BCL3: variants seen among roughly 807,000 people sequenced by gnomAD.
BCL3 encodes the protein BCL3 transcription coactivator, also known as B-cell lymphoma 3 protein.
In BCL3, 15 loss-of-function variants were observed where a neutral mutation model predicts 35.7. The ratio of observed to expected loss-of-function variants is 0.42; its 90% CI spans 0.28 to 0.65. BCL3 has a LOEUF of 0.65. Ranked by LOEUF, BCL3 falls within the 30% of genes least tolerant of loss-of-function variation. BCL3 has a pLI of 0.22. For synonymous variants in BCL3, 311 were observed against 284.3 expected (o/e 1.09, Z -0.95); for missense variants, 565 against 641.7 (o/e 0.88, Z 1.29).
chr19:44,757,586 CG>C lies in BCL3; in HGVS notation c.814-57del, dbSNP rs1967321367. The C allele has an allele frequency of 1.1e-5, 18 of 1,585,590 alleles. No homozygotes were observed. Among genetic ancestry groups the C allele is most frequent in the Non-Finnish European group, 1.5e-5 (17 of 1,156,796 alleles). ...CCGCGAATGGGATGTGGACGGGATG[CG>C]GGTCGCCGGCTGCTGGAGCAGAGCT... On this transcript the variant is annotated intron_variant, in intron 5 of 8. Coordinates refer to ENST00000164227, the MANE Select transcript of BCL3 (RefSeq NM_005178.5). This position sits in a 1 kb window ranked among gnomAD's most constrained non-coding sequence, Gnocchi z 8.4.
intron 1 of BCL3, among the ~76,000 whole-genome samples, chr19:44,750,769 C>T (rs1201045774): frequency 6.6e-6 from 1 of 152,036 alleles, no homozygotes; most frequent in African/African-American, 2.4e-5. Context: ...GGCAACAGAG[C>T]GAGACTACAT....
Position 44,759,645 on chromosome 19 carries a change from T to C in BCL3, c.*30T>C. ...GATGGGGGGGCAGATCTTGGACTCA[T>C]GAGGAGGGGCCCCCCTGCCCTGTGG... On this transcript the variant is annotated 3_prime_UTR_variant, in exon 9 of 9. Transcript: ENST00000164227. The C allele has an allele frequency of 6.4e-7, 1 of 1,553,632 alleles. No individual in the cohort carries two copies. Among genetic ancestry groups the C allele is most frequent in the Non-Finnish European group, 8.7e-7 (1 of 1,154,638 alleles).
Position 44,759,607 on chromosome 19 carries a change from G to A in BCL3, c.1357G>A (p.Gly453Ser). The A allele has an allele frequency of 6.2e-7, 1 of 1,603,796 alleles. No homozygotes were observed. Among genetic ancestry groups the A allele is most frequent in the South Asian group, 1.1e-5 (1 of 90,620 alleles). Residue 453 changes from glycine (G) to serine (S), a missense_variant, in exon 9 of 9, where the codon GGC becomes AGC. Physicochemically the swap from Gly to Ser is moderately conservative, Grantham distance 56 (BLOSUM62 0). Transcript: ENST00000164227. ...RPVPPSPAPG[G>S]S ...GGTGCCCCCCTCCCCAGCTCCAGGA[G>A]GCAGCTGAGGGGGATGGGGGGGCAG... is the stretch of plus-strand genomic sequence containing the variant.
upstream of BCL3, chr19:44,748,598 G>A (rs1206040495): frequency 2.1e-5 from 12 of 581,038 alleles, no homozygotes; most frequent in Non-Finnish European, 2.4e-5. Context: ...GCAGCGGCGG[G>A]TCCAGGAAAC....
chr19:44,757,934 A>C lies in BCL3; in HGVS notation c.891+211A>C, dbSNP rs1241199467. 6.6e-6 allele frequency among the ~76,000 whole-genome samples: 1 copy of C among 151,476 alleles called. No individual in the cohort carries two copies. The highest frequency in any genetic ancestry group is 1.5e-5 in the Non-Finnish European group (1 of 67,862). ...GTCCCATTCCTCCTCTGCCACCTCA[A>C]CGGCCTAGGCCCCGCCCTGCGATGG... On this transcript the variant is annotated intron_variant, in intron 6 of 8. Transcript: ENST00000164227. The surrounding 1 kb of genome is among the most constrained non-coding windows in gnomAD (Gnocchi z 8.4).
Position 44,759,868 on chromosome 19 carries a change from T to A in BCL3, c.*253T>A. On this transcript the variant is annotated 3_prime_UTR_variant, in exon 9 of 9. Coordinates refer to ENST00000164227, the MANE Select transcript of BCL3 (RefSeq NM_005178.5). ...GTCCCTGTCCGGAATGCCACCCACA[T>A]CTTCCATTTCCATGTCCCCTCCCAG... 2.4e-6 allele frequency: 1 copy of A among 413,948 alleles called. No homozygotes were observed. Among genetic ancestry groups the A allele is most frequent in the East Asian group, 4.1e-5 (1 of 24,406 alleles). 25.6% of individuals were successfully genotyped at this position (413,948 alleles called of 1,614,324 possible). A position where few individuals can be genotyped will look rare whatever the true frequency, so the allele number is the denominator to read the frequency against.
upstream of BCL3, chr19:44,747,934 C>G: frequency 1.7e-6 from 2 of 1,179,370 alleles, no homozygotes; most frequent in Admixed American, 3.4e-5. Flanking sequence ...GCTCCCCACC[C>G]TCACCCCACC....
Position 44,757,743 on chromosome 19 carries a change from G to A in BCL3, c.891+20G>A, listed in dbSNP as rs1967325689. The A allele has an allele frequency of 1.2e-6, 2 of 1,611,496 alleles. No individual in the cohort carries two copies. The highest frequency in any genetic ancestry group is 2.2e-5 in the East Asian group (1 of 44,848). On this transcript the variant is annotated intron_variant, in intron 6 of 8. Transcript: ENST00000164227. This position sits in a 1 kb window ranked among gnomAD's most constrained non-coding sequence, Gnocchi z 8.4. ...CTGCAGGTGCGTACAGCCCCCCTGA[G>A]CCTCGCGCCCACCCTATCCTCTGAC...
In BCL3 at chr19:44,757,827, G is replaced by A. The variant is rs1404626217; in HGVS notation, c.891+104G>A. 4 of 1,140,160 alleles carry A rather than the reference G, an allele frequency of 3.5e-6. No homozygotes were observed. The highest frequency in any genetic ancestry group is 4.9e-5 in the East Asian group (2 of 40,504). 70.6% of individuals were successfully genotyped at this position (1,140,160 alleles called of 1,614,324 possible). On this transcript the variant is annotated intron_variant, in intron 6 of 8. Coordinates refer to ENST00000164227, the MANE Select transcript of BCL3 (RefSeq NM_005178.5). This position sits in a 1 kb window ranked among gnomAD's most constrained non-coding sequence, Gnocchi z 8.4. ...GACCCCGCCTTCCACTTCTGGCTCCGGCTCCTGCTCCGCGTCCAGCTCTGA... is the reference window on the plus strand; with the variant it reads ...GACCCCGCCTTCCACTTCTGGCTCCAGCTCCTGCTCCGCGTCCAGCTCTGA...
Position 44,758,231 on chromosome 19 carries a change from C to T in BCL3, c.892-15C>T. On this transcript the variant is annotated splice_polypyrimidine_tract_variant and intron_variant, in intron 6 of 8. Coordinates refer to ENST00000164227, the MANE Select transcript of BCL3 (RefSeq NM_005178.5). ...GGCCCGCGCGCCCTCCTGACCCGGCCCTCCCGTCCCGCAGCACGGCGCCAA... is the reference window on the plus strand; with the variant it reads ...GGCCCGCGCGCCCTCCTGACCCGGCTCTCCCGTCCCGCAGCACGGCGCCAA... 1 of 1,470,484 alleles carries T rather than the reference C, an allele frequency of 6.8e-7. No homozygotes were observed. The highest frequency in any genetic ancestry group is 1.4e-5 in the South Asian group (1 of 71,604). The allele number at this position is 1,470,484 out of a possible 1,614,324, so 91.1% of individuals were successfully genotyped here. A position where few individuals can be genotyped will look rare whatever the true frequency, so the allele number is the denominator to read the frequency against.
intron 6 of BCL3, 107 bp from the exon 7 acceptor site, chr19:44,758,139 G>T: frequency 5.0e-6 from 6 of 1,200,496 alleles, no homozygotes; most frequent in South Asian, 1.8e-5. Flanking sequence ...ACCCCACCCC[G>T]ATCCGGTGCC....
chr19:44,747,930 CACCCTCACCCCA>C, upstream of BCL3: 1 of 1,192,788 alleles, frequency 8.4e-7, no homozygotes, highest in Non-Finnish European at 1.1e-6. Flanking sequence ...GAGCGCTCCC[CACCCTCACCCCA>C]CCCCCAGCCC....
intron 2 of BCL3, among the ~76,000 whole-genome samples, chr19:44,755,942 A>G (rs1175207440): frequency 3.3e-5 from 5 of 151,812 alleles, no homozygotes; most frequent in Non-Finnish European, 7.4e-5. Context: ...AAAATAAAAT[A>G]AAAGGGTCCC....
At chr19:44,755,922 C>CAAATAAAATA (rs376405958) in intron 2 of BCL3, among the ~76,000 whole-genome samples, 2 of 151,888 alleles carry the variant, frequency 1.3e-5, no homozygotes, top group African/African-American at 4.8e-5. Context: ...CCGTCTCAAA[C>CAAATAAAATA]AAATAAAATA....
chr19:44,748,124 A>C (rs1967100255), upstream of BCL3: 1 of 1,310,692 alleles, frequency 7.6e-7, no homozygotes, highest in Admixed American at 2.3e-5. Context: ...AAGGTCACCC[A>C]GCGAGTAAGT....
chr19:44,752,058 A>G (rs1356978482), intron 2 of BCL3, among the ~76,000 whole-genome samples: 2 of 149,342 alleles, frequency 1.3e-5, no homozygotes, highest in East Asian at 3.9e-4. Flanking sequence ...TAATATTACT[A>G]TTATTTTATC....
At position 44,757,660 on chromosome 19, in the gene BCL3, C is replaced by T; in HGVS notation, c.828C>T (p.Gly276=). The part of the protein sequence containing the change: ...ADIDAVDIKS[G]RSPLIHAVEN... ...CCCCGCCGCAGGACATTAAGAGCGG[C>T]CGCTCCCCGCTCATCCACGCCGTGG... The change falls in exon 6 of 9, where the codon GGC becomes GGT. Residue 276 remains glycine (G), a synonymous_variant. Transcript: ENST00000164227. This position sits in a 1 kb window ranked among gnomAD's most constrained non-coding sequence, Gnocchi z 8.4. 6.2e-7 allele frequency: 1 copy of T among 1,613,848 alleles called. No individual in the cohort carries two copies. The highest frequency in any genetic ancestry group is 8.5e-7 in the Non-Finnish European group (1 of 1,179,884).
At position 44,759,681 on chromosome 19, in the gene BCL3, T is replaced by C; in HGVS notation, c.*66T>C. On this transcript the variant is annotated 3_prime_UTR_variant, in exon 9 of 9. Coordinates refer to ENST00000164227, the MANE Select transcript of BCL3 (RefSeq NM_005178.5). ...CCCCCTGCCCTGTGGGGTCAACCCTTCTGGAAACTGTGAAGATCTCACTCT... is the reference window on the plus strand; with the variant it reads ...CCCCCTGCCCTGTGGGGTCAACCCTCCTGGAAACTGTGAAGATCTCACTCT... The C allele has an allele frequency of 1.7e-6, 2 of 1,188,346 alleles. No homozygotes were observed. Among genetic ancestry groups the C allele is most frequent in the Non-Finnish European group, 2.3e-6 (2 of 860,974 alleles). 73.6% of individuals were successfully genotyped at this position (1,188,346 alleles called of 1,614,324 possible).
chr19:44,757,908 T>C lies in BCL3; in HGVS notation c.891+185T>C, dbSNP rs1035374660. Reference sequence around the variant, plus strand: ...GGCTCCACGCCCCTGGCTACGAACTTGTCCCATTCCTCCTCTGCCACCTCA... The same window carrying C: ...GGCTCCACGCCCCTGGCTACGAACTCGTCCCATTCCTCCTCTGCCACCTCA... On this transcript the variant is annotated intron_variant, in intron 6 of 8. Coordinates refer to ENST00000164227, the MANE Select transcript of BCL3 (RefSeq NM_005178.5). This position sits in a 1 kb window ranked among gnomAD's most constrained non-coding sequence, Gnocchi z 8.4. 1.3e-5 allele frequency among the ~76,000 whole-genome samples: 2 copies of C among 152,044 alleles called. No individual in the cohort carries two copies. The highest frequency in any genetic ancestry group is 2.9e-5 in the Non-Finnish European group (2 of 67,982).
Sources: allele counts gnomAD v4.1 joint callset (sites outside exome capture counted in the v4.1 genomes callset), GRCh38; gene constraint gnomAD v4.1.1; non-coding constraint Gnocchi (gnomAD v3.1); transcripts MANE v1.5; gene names NCBI Gene and HGNC (gene_info 2026-07-23, HGNC 2026-07-21).